The following GARNL3 variants were observed in gnomAD, a reference collection of about 807,000 sequenced individuals.
The protein encoded by GARNL3 is GTPase-activating Rap/Ran-GAP domain-like protein 3.
In GARNL3, 63 loss-of-function variants were observed where a neutral mutation model predicts 125.0. That is an observed-to-expected ratio of 0.50 (90% confidence interval 0.41 to 0.62). The LOEUF (loss-of-function observed/expected upper bound fraction) is 0.62, where lower values mean the gene tolerates loss of function less well. Ranked by LOEUF, GARNL3 falls within the 20% of genes least tolerant of loss-of-function variation. GARNL3 has a pLI of 0.00. For synonymous variants in GARNL3, 439 were observed against 457.5 expected (o/e 0.96, Z 0.52); for missense variants, 994 against 1,244.0 (o/e 0.80, Z 3.02).
intron 1 of GARNL3, among the ~76,000 whole-genome samples, chr9:127,238,741 G>T (rs189758651): frequency 6.7e-6 from 1 of 148,554 alleles, no homozygotes; most frequent in East Asian, 1.9e-4. Flanking sequence ...TGTTCTCTTG[G>T]TGTCTTATTT....
chr9:127,342,491 C>T (rs1829913795), intron 14 of GARNL3, among the ~76,000 whole-genome samples, 157 bp downstream of exon 14: 1 of 152,108 alleles, frequency 6.6e-6, no homozygotes, highest in Non-Finnish European at 1.5e-5. Context: ...CTGACAGTCT[C>T]TCATTGTGAC....
intron 22 of GARNL3, among the ~76,000 whole-genome samples, chr9:127,376,085 A>G (rs945290689): frequency 1.3e-5 from 2 of 152,120 alleles, no homozygotes; most frequent in Non-Finnish European, 2.9e-5. Flanking sequence ...CAGCCTCCCA[A>G]GTAGGCTGGG....
intron 2 of GARNL3, among the ~76,000 whole-genome samples, chr9:127,292,909 C>T (rs1423545891): frequency 6.6e-6 from 1 of 152,218 alleles, no homozygotes; most frequent in African/African-American, 2.4e-5. Flanking sequence ...GTTCAGTTGA[C>T]ATCTTGGGAA....
At chr9:127,271,518 G>A (rs556671729) in intron 1 of GARNL3, among the ~76,000 whole-genome samples, 1 of 150,444 alleles carries the variant, frequency 6.6e-6, no homozygotes, top group South Asian at 2.1e-4. Flanking sequence ...AAAAGCATAT[G>A]CCATTTTTCT....
At position 127,313,451 on chromosome 9, in the gene GARNL3, C is replaced by T; in HGVS notation, c.330C>T (p.Asn110=). The T allele has an allele frequency of 6.2e-7, 1 of 1,612,908 alleles. No individual in the cohort carries two copies. Among genetic ancestry groups the T allele is most frequent in the Non-Finnish European group, 8.5e-7 (1 of 1,178,858 alleles). The change falls in exon 4 of 28, where the codon AAC becomes AAT. Residue 110 remains asparagine (N), a synonymous_variant. Transcript: ENST00000373387. ...ACCTTTCTTTTCCAGTCCATCAGAA[C>T]TACATTGGAAACGATGCCGAGAAGA... is the stretch of plus-strand genomic sequence containing the variant. ...FKYFLGQVHQ[N]YIGNDAEKSP...
chr9:127,281,302 CAG>C (rs1228734058), intron 1 of GARNL3, among the ~76,000 whole-genome samples: 1 of 152,154 alleles, frequency 6.6e-6, no homozygotes, highest in Non-Finnish European at 1.5e-5. Context: ...TTTGAAAAGA[CAG>C]AAGAATATGA....
intron 2 of GARNL3, among the ~76,000 whole-genome samples, chr9:127,296,777 G>A (rs182694178): frequency 4.6e-4 from 70 of 152,040 alleles, no homozygotes; most frequent in South Asian, 2.1e-4. Flanking sequence ...GGCCAGGTAG[G>A]CATGATTAAT....
intron 21 of GARNL3, among the ~76,000 whole-genome samples, chr9:127,358,070 A>G (rs139408839): frequency 6.6e-6 from 1 of 152,326 alleles, no homozygotes; most frequent in Admixed American, 6.5e-5. Context: ...CACAGAGAAC[A>G]AGGATGTCCT....
chr9:127,245,278 G>A (rs2063280102), intron 2 of GARNL3: 1 of 152,294 alleles, frequency 6.6e-6, no homozygotes, highest in Admixed American at 6.5e-5. Context: ...CAAGCACCCC[G>A]AGGGGCCGCC....
intron 9 of GARNL3, among the ~76,000 whole-genome samples, chr9:127,334,313 T>C (rs1285072118): frequency 6.6e-6 from 1 of 152,192 alleles, no homozygotes; most frequent in African/African-American, 2.4e-5. Flanking sequence ...TCACAGTCAG[T>C]CCTTGAGGTA....
intron 21 of GARNL3, among the ~76,000 whole-genome samples, chr9:127,360,562 T>TA (rs1329410964): frequency 6.6e-6 from 1 of 152,212 alleles, no homozygotes; most frequent in African/African-American, 2.4e-5. Context: ...GTATGTTTTC[T>TA]AATAGCTGGT....
intron 1 of GARNL3, among the ~76,000 whole-genome samples, chr9:127,283,561 T>C (rs1410687741): frequency 1.3e-5 from 2 of 152,124 alleles, no homozygotes; most frequent in Non-Finnish European, 2.9e-5. Context: ...TCCCAGCTAC[T>C]TGGGAGGCTG....
At position 127,342,344 on chromosome 9, in the gene GARNL3, G is replaced by A. The variant is rs762804240; in HGVS notation, c.1251+10G>A. ...GCCAGATTTGCATAAGGTAATTCTG[G>A]GTCCATGGTCTTCTTTCCTTCTTAT... On this transcript the variant is annotated intron_variant, in intron 14 of 27. Transcript: ENST00000373387. The A allele has an allele frequency of 2.0e-6, 3 of 1,534,442 alleles. No individual in the cohort carries two copies. The highest frequency in any genetic ancestry group is 1.1e-5 in the South Asian group (1 of 89,290).
intron 2 of GARNL3, among the ~76,000 whole-genome samples, chr9:127,297,500 C>T (rs1410289573): frequency 6.6e-6 from 1 of 151,872 alleles, no homozygotes; most frequent in African/African-American, 2.4e-5. Flanking sequence ...CCTACATTTT[C>T]CTATAGTATA....
intron 7 of GARNL3, among the ~76,000 whole-genome samples, chr9:127,330,005 G>A (rs990713602): frequency 2.6e-5 from 4 of 152,170 alleles, no homozygotes; most frequent in Non-Finnish European, 5.9e-5. Context: ...TAGTCTAGTG[G>A]TTCTCAAAGT....
chr9:127,304,530 C>CTTTTTTTTTTTTTTTTTTTTTTTTTTTT (rs61493807), intron 2 of GARNL3, among the ~76,000 whole-genome samples: 2 of 99,220 alleles, frequency 2.0e-5, no homozygotes, highest in African/African-American at 3.4e-5. Context: ...TGGCTTTATT[C>CTTTTTTTTTTTTTTTTTTTTTTTTTTTT]TTTTTTTTTT....
At chr9:127,343,717 G>T (rs149444259) in intron 14 of GARNL3, among the ~76,000 whole-genome samples, 1 of 152,204 alleles carries the variant, frequency 6.6e-6, no homozygotes, top group Non-Finnish European at 1.5e-5. Flanking sequence ...GGCACTGTGC[G>T]AAGTACCTTA....
At chr9:127,343,221 C>T (rs1330322046) in intron 14 of GARNL3, among the ~76,000 whole-genome samples, 1 of 152,058 alleles carries the variant, frequency 6.6e-6, no homozygotes, top group African/African-American at 2.4e-5. Flanking sequence ...TTTATAGGCA[C>T]TCCTTGACTC....
At chr9:127,287,085 T>C (rs1433929697) in intron 1 of GARNL3, among the ~76,000 whole-genome samples, 1 of 152,142 alleles carries the variant, frequency 6.6e-6, no homozygotes, top group African/African-American at 2.4e-5. Flanking sequence ...CCTGGGTCCA[T>C]ATATGTACCC....
Sources: gnomAD v4.1 joint callset for allele counts (sites outside exome capture counted in the v4.1 genomes callset) on GRCh38, gnomAD v4.1.1 for gene constraint, MANE v1.5 for transcripts, NCBI Gene and HGNC (gene_info 2026-07-23, HGNC 2026-07-21) for gene names.